DLG2: variants seen among roughly 807,000 people sequenced by gnomAD.
The protein encoded by DLG2 is disks large homolog 2.
Under a neutral mutation model 132.5 loss-of-function variants are expected in DLG2, and 45 were observed. That is an observed-to-expected ratio of 0.34 (90% confidence interval 0.27 to 0.44). The LOEUF is 0.44. Ranked by LOEUF, DLG2 falls within the 20% of genes least tolerant of loss-of-function variation. DLG2 has a pLI of 1.00. For synonymous variants in DLG2, 424 were observed against 419.6 expected (o/e 1.01, Z -0.13); for missense variants, 1,045 against 1,196.9 (o/e 0.87, Z 1.87).
At chr11:83,540,830 C>T (rs2096046871) in intron 20 of DLG2, among the ~76,000 whole-genome samples, 1 of 152,140 alleles carries the variant, frequency 6.6e-6, no homozygotes, top group Non-Finnish European at 1.5e-5. Context: ...AAGCATAATT[C>T]CTGACTGATT....
chr11:84,169,059 G>A (rs1419268018), intron 8 of DLG2, among the ~76,000 whole-genome samples: 1 of 152,106 alleles, frequency 6.6e-6, no homozygotes, highest in Non-Finnish European at 1.5e-5. Context: ...CAACATTTTT[G>A]ATGAGTGCGA....
chr11:83,699,473 G>T (rs1310866412), intron 18 of DLG2, among the ~76,000 whole-genome samples: 1 of 151,006 alleles, frequency 6.6e-6, no homozygotes, highest in East Asian at 2.0e-4. Context: ...GAGGCAGGCG[G>T]ATCACGAGGT....
chr11:84,540,816 A>T (rs186778488), intron 6 of DLG2, among the ~76,000 whole-genome samples: 7 of 152,340 alleles, frequency 4.6e-5, no homozygotes, highest in Non-Finnish European at 1.0e-4. Flanking sequence ...GATAGACTGG[A>T]TTAAGAAAAT....
chr11:84,152,867 A>G (rs1351716057), intron 9 of DLG2, among the ~76,000 whole-genome samples: 1 of 152,006 alleles, frequency 6.6e-6, no homozygotes, highest in Non-Finnish European at 1.5e-5. Context: ...GTTACTATAG[A>G]TATATGAAGT....
chr11:83,822,865 T>C (rs1201404431), intron 17 of DLG2, among the ~76,000 whole-genome samples: 2 of 152,170 alleles, frequency 1.3e-5, no homozygotes, highest in African/African-American at 4.8e-5. Flanking sequence ...TCCCATCAGG[T>C]ATATTCCTAG....
intron 5 of DLG2, among the ~76,000 whole-genome samples, chr11:85,122,936 G>GTATATATATTATA: frequency 2.0e-5 from 1 of 50,342 alleles, no homozygotes; most frequent in East Asian, 1.2e-3. Context: ...ATGTATGTGT[G>GTATATATATTATA]TCTGTATATA....
intron 7 of DLG2, among the ~76,000 whole-genome samples, chr11:84,470,847 C>T (rs1235578734): frequency 6.6e-6 from 1 of 151,754 alleles, no homozygotes; most frequent in Non-Finnish European, 1.5e-5. Flanking sequence ...TCTGTAAGTA[C>T]TGGGCAAAGT....
intron 6 of DLG2, among the ~76,000 whole-genome samples, chr11:84,694,349 T>C (rs2058385913): frequency 6.6e-6 from 1 of 151,670 alleles, no homozygotes; most frequent in African/African-American, 2.4e-5. Context: ...CGAATCAGTT[T>C]TACAATCTTA....
chr11:84,332,508 CTTTTTTTTT>C (rs34149557), intron 7 of DLG2, among the ~76,000 whole-genome samples: 5 of 78,292 alleles, frequency 6.4e-5, no homozygotes, highest in Non-Finnish European at 9.2e-5. Context: ...CCGCGCCTGG[CTTTTTTTTT>C]TTTTTTTTTT....
At chr11:84,144,052 G>A (rs796605684) in intron 9 of DLG2, among the ~76,000 whole-genome samples, 9 of 152,118 alleles carry the variant, frequency 5.9e-5, no homozygotes, top group African/African-American at 2.2e-4. Flanking sequence ...TGTCAGAGAT[G>A]GACATTTTAA....
chr11:84,133,285 C>T (rs1257843471), intron 9 of DLG2, among the ~76,000 whole-genome samples: 1 of 151,920 alleles, frequency 6.6e-6, no homozygotes, highest in Non-Finnish European at 1.5e-5. Context: ...CCAGGGCAAC[C>T]AGAGGAGGAA....
chr11:83,616,967 T>C (rs1475163092), intron 19 of DLG2, among the ~76,000 whole-genome samples: 1 of 152,236 alleles, frequency 6.6e-6, no homozygotes, highest in East Asian at 1.9e-4. Flanking sequence ...GTGTGTGTTA[T>C]TGTTTCTGCA....
At chr11:84,800,059 A>C (rs1056313557) in intron 6 of DLG2, among the ~76,000 whole-genome samples, 1 of 152,168 alleles carries the variant, frequency 6.6e-6, no homozygotes. Context: ...GATGGGGTGA[A>C]TGCATTATGG....
intron 18 of DLG2, among the ~76,000 whole-genome samples, chr11:83,739,680 C>T (rs1390780561): frequency 2.0e-5 from 3 of 152,078 alleles, no homozygotes; most frequent in Admixed American, 1.3e-4. Context: ...AGCTTATTTT[C>T]CCCCATTCCT....
chr11:84,547,508 T>C (rs905135124), intron 6 of DLG2, among the ~76,000 whole-genome samples: 1 of 152,166 alleles, frequency 6.6e-6, no homozygotes, highest in Admixed American at 6.5e-5. Flanking sequence ...AGAGATGTAA[T>C]AGTGAATAAA....
At chr11:84,560,878 TG>T (rs1029518361) in intron 6 of DLG2, among the ~76,000 whole-genome samples, 3 of 152,096 alleles carry the variant, frequency 2.0e-5, no homozygotes, top group African/African-American at 7.2e-5. Flanking sequence ...CAATGTGACT[TG>T]ATACTGCATT....
chr11:84,447,719 T>C (rs2099039608), intron 7 of DLG2, among the ~76,000 whole-genome samples: 1 of 152,090 alleles, frequency 6.6e-6, no homozygotes, highest in South Asian at 2.1e-4. Flanking sequence ...AAAGAAGGCT[T>C]GCAGGACCTC....
chr11:84,988,383 A>C (rs1308074520), intron 6 of DLG2, among the ~76,000 whole-genome samples: 4 of 152,210 alleles, frequency 2.6e-5, no homozygotes, highest in Admixed American at 2.6e-4. Flanking sequence ...AGAGGAAAAG[A>C]AGTCGTTATA....
rs990169117 is a variant in DLG2, at chr11:84,316,759, A to T, written c.520-65468T>A. ...CTCTGCAAAGTTTCCAAGCCATTCT[A>T]ACCTTAAACAACTTGCTCTCACTTT... On this transcript the variant is annotated intron_variant, in intron 7 of 27. Coordinates refer to ENST00000376104, the MANE Select transcript of DLG2 (RefSeq NM_001142699.3). The T allele has an allele frequency of 1.0e-5, 15 of 1,483,752 alleles. No individual in the cohort carries two copies. In the African/African-American group the frequency reaches 1.7e-4, roughly 17 times the overall value. The allele number at this position is 1,483,752 out of a possible 1,614,324, so 91.9% of individuals were successfully genotyped here.
Sources: allele counts gnomAD v4.1 joint callset (sites outside exome capture counted in the v4.1 genomes callset), GRCh38; gene constraint gnomAD v4.1.1; transcripts MANE v1.5; gene names NCBI Gene and HGNC (gene_info 2026-07-23, HGNC 2026-07-21).